The following PDE1A variants were observed in gnomAD, a reference collection of about 807,000 sequenced individuals.
PDE1A encodes the protein dual specificity calcium/calmodulin-dependent 3',5'-cyclic nucleotide phosphodiesterase 1A.
PDE1A carries 35 observed loss-of-function variants against 61.7 expected under a neutral mutation model. The ratio of observed to expected loss-of-function variants is 0.57; its 90% CI spans 0.43 to 0.75. PDE1A has a LOEUF of 0.75. PDE1A is among the 30% of genes least tolerant of loss of function. The probability of loss-of-function intolerance (pLI) is 0.00; values close to 1 mark genes in which losing one functional copy is unlikely to be tolerated. For synonymous variants in PDE1A, 232 were observed against 213.2 expected, an observed-to-expected ratio of 1.09 and a Z score of -0.77; for missense variants, 597 against 630.6, an observed-to-expected ratio of 0.95 and a Z score of 0.57.
chr2:182,371,314 AG>A (rs1231248715), intron 1 of PDE1A, among the ~76,000 whole-genome samples: 2 of 152,216 alleles, frequency 1.3e-5, no homozygotes, highest in African/African-American at 4.8e-5. Context: ...TTTTATTAAC[AG>A]AAGAAAACCA....
chr2:182,339,064 A>G (rs2125021900), intron 1 of PDE1A, among the ~76,000 whole-genome samples: 1 of 152,150 alleles, frequency 6.6e-6, no homozygotes, highest in South Asian at 2.1e-4. Flanking sequence ...TTTTTTTTCT[A>G]TATGTTTACA....
chr2:182,687,564 A>G, the PDE1A span, among the ~76,000 whole-genome samples: 312 of 152,348 alleles, frequency 2.0e-3, 5 homozygotes, highest in African/African-American at 7.4e-3. Context: ...AAAGGTAGAT[A>G]AAACCACAAA....
At chr2:182,204,980 T>G (rs1385476427) in intron 8 of PDE1A, among the ~76,000 whole-genome samples, 2 of 152,242 alleles carry the variant, frequency 1.3e-5, no homozygotes, top group Non-Finnish European at 2.9e-5. Flanking sequence ...GATTTAGGCT[T>G]ATTTTAAACT....
At chr2:182,198,507 TCTTCTA>T (rs1274637972) in intron 10 of PDE1A, among the ~76,000 whole-genome samples, 3 of 151,844 alleles carry the variant, frequency 2.0e-5, no homozygotes, top group East Asian at 1.9e-4. Context: ...TTGAGAAAGG[TCTTCTA>T]CTTCTAGTTT....
chr2:182,691,575 C>T, the PDE1A span, among the ~76,000 whole-genome samples: 1 of 152,138 alleles, frequency 6.6e-6, no homozygotes, highest in African/African-American at 2.4e-5. Flanking sequence ...ACCATAAAAA[C>T]CCTAGAAGAA....
chr2:182,253,389 C>T (rs1691546894), intron 2 of PDE1A, among the ~76,000 whole-genome samples: 1 of 152,124 alleles, frequency 6.6e-6, no homozygotes, highest in Non-Finnish European at 1.5e-5. Flanking sequence ...ACTAAGGTTT[C>T]CTTTGTCTTT....
At chr2:182,364,026 C>T (rs961377953) in intron 1 of PDE1A, among the ~76,000 whole-genome samples, 2 of 151,974 alleles carry the variant, frequency 1.3e-5, no homozygotes, top group African/African-American at 4.8e-5. Flanking sequence ...TCCATTTATG[C>T]TCTGCCTCCA....
Position 182,395,558 on chromosome 2 carries a change from G to T in PDE1A, c.53+31020C>A, listed in dbSNP as rs113437504. Among the ~76,000 whole-genome samples the T allele has an allele frequency of 8.9e-3, 1,360 of 152,268 alleles. 18 individuals carry two copies. Among genetic ancestry groups the T allele is most frequent in the African/African-American group, 0.031 (1,292 of 41,552 alleles). On this transcript the variant is annotated intron_variant, in intron 1 of 13. Coordinates refer to ENST00000351439, the Ensembl canonical transcript of PDE1A. Reference sequence around the variant, plus strand: ...CATTTGGCCCCTCCTACAACTATCTGGATTTGGGAGGCAACACATTCCTCA... The same window carrying T: ...CATTTGGCCCCTCCTACAACTATCTTGATTTGGGAGGCAACACATTCCTCA...
chr2:182,252,610 G>A (rs1412004220), intron 2 of PDE1A, among the ~76,000 whole-genome samples: 1 of 152,230 alleles, frequency 6.6e-6, no homozygotes, highest in Non-Finnish European at 1.5e-5. Flanking sequence ...ATCTTGAGAA[G>A]GAACACTGGA....
the PDE1A span, among the ~76,000 whole-genome samples, chr2:182,548,397 G>A: frequency 6.6e-6 from 1 of 152,044 alleles, no homozygotes; most frequent in African/African-American, 2.4e-5. Flanking sequence ...AAGTCGAAAC[G>A]CACAGGATAC....
the PDE1A span, among the ~76,000 whole-genome samples, chr2:182,544,269 A>G: frequency 6.6e-6 from 1 of 152,204 alleles, no homozygotes; most frequent in Non-Finnish European, 1.5e-5. Flanking sequence ...TGCTCAGAGT[A>G]GCAGCAGGAC....
the PDE1A span, among the ~76,000 whole-genome samples, chr2:182,708,781 A>G: frequency 1.3e-5 from 2 of 152,216 alleles, no homozygotes; most frequent in African/African-American, 4.8e-5. Context: ...GCTTACTAAC[A>G]GTGTGACATT....
the PDE1A span, among the ~76,000 whole-genome samples, chr2:182,605,669 A>G: frequency 5.3e-5 from 8 of 152,330 alleles, no homozygotes; most frequent in African/African-American, 2.4e-5. Context: ...TCATCAATCC[A>G]TTGATCCAGA....
chr2:182,639,995 G>A, the PDE1A span, among the ~76,000 whole-genome samples: 2 of 151,884 alleles, frequency 1.3e-5, no homozygotes, highest in Non-Finnish European at 2.9e-5. Context: ...TAAAAAAAAT[G>A]GTGAAGTCTA....
chr2:182,574,610 A>T, the PDE1A span, among the ~76,000 whole-genome samples: 2 of 152,268 alleles, frequency 1.3e-5, no homozygotes, highest in Non-Finnish European at 2.9e-5. Flanking sequence ...ATATTTTCTT[A>T]GTACAAGCGT....
In PDE1A at chr2:182,352,427, G is replaced by A. The variant is rs141696974; in HGVS notation, c.53+74151C>T. On this transcript the variant is annotated intron_variant, in intron 1 of 13. Coordinates refer to ENST00000351439, the Ensembl canonical transcript of PDE1A. ...TATGCCTTCTGCCAGCATCCATGATGCCTTAAAAGGCTAACTTCTTGGCTT... is the reference window on the plus strand; with the variant it reads ...TATGCCTTCTGCCAGCATCCATGATACCTTAAAAGGCTAACTTCTTGGCTT... Among the ~76,000 whole-genome samples the A allele has an allele frequency of 4.4e-4, 67 of 152,262 alleles. 2 individuals carry two copies. In the East Asian group the frequency reaches 0.011, roughly 26 times the overall value.
chr2:182,517,088 C>G (rs1574844371), intron 2 of PDE1A, among the ~76,000 whole-genome samples: 1 of 152,138 alleles, frequency 6.6e-6, no homozygotes, highest in Non-Finnish European at 1.5e-5. Context: ...TAAGGAGAAC[C>G]ATTGTAGATC....
At chr2:182,352,875 T>G (rs1698969557) in intron 1 of PDE1A, among the ~76,000 whole-genome samples, 1 of 151,842 alleles carries the variant, frequency 6.6e-6, no homozygotes, top group Non-Finnish European at 1.5e-5. Flanking sequence ...GCTTCTAAAC[T>G]GAGAACTTGA....
chr2:182,366,236 G>A (rs144113918), intron 1 of PDE1A, among the ~76,000 whole-genome samples: 169 of 152,040 alleles, frequency 1.1e-3, no homozygotes, highest in Non-Finnish European at 2.0e-3. Context: ...GTATTAAAGA[G>A]TTTGCCTCAA....
Sources: allele counts gnomAD v4.1 joint callset (sites outside exome capture counted in the v4.1 genomes callset), GRCh38; gene constraint gnomAD v4.1.1; transcripts MANE v1.5; gene names NCBI Gene and HGNC (gene_info 2026-07-23, HGNC 2026-07-21).